NCOA6: variants seen among roughly 807,000 people sequenced by gnomAD.
NCOA6 encodes the protein NRC RAP250.
NCOA6 carries 49 observed loss-of-function variants against 171.4 expected under a neutral mutation model. That is an observed-to-expected ratio of 0.29 (90% CI 0.23 to 0.36). The LOEUF (loss-of-function observed/expected upper bound fraction) is 0.36, where lower values mean the gene tolerates loss of function less well. Among genes scored for constraint, NCOA6 ranks in the 10% least tolerant of loss-of-function variants. The pLI, the probability that NCOA6 is intolerant of heterozygous loss-of-function variation, is 1.00. For missense variants in NCOA6, 2,248 were observed against 2,554.5 expected, an observed-to-expected ratio of 0.88 and a Z score of 2.59; for synonymous variants, 910 against 927.5, an observed-to-expected ratio of 0.98 and a Z score of 0.34.
rs1268768786 is a variant in NCOA6 at position 34,780,737 on chromosome 20, T to C, written c.235+1384A>G. On this transcript the variant is annotated intron_variant, in intron 3 of 14. Coordinates refer to ENST00000359003, the MANE Select transcript of NCOA6 (RefSeq NM_014071.5). ...GCACTATTAGAGCTCACTGCAGCTTTGACCTCCCTGGGCTCAAGTGATCCT... is the reference window on the plus strand; with the variant it reads ...GCACTATTAGAGCTCACTGCAGCTTCGACCTCCCTGGGCTCAAGTGATCCT... 2.0e-5 allele frequency among the ~76,000 whole-genome samples: 3 copies of C among 152,108 alleles called. No homozygotes were observed. In the East Asian group the frequency reaches 5.8e-4, roughly 29 times the overall value.
chr20:34,734,641 C>T (rs544770734), intron 12 of NCOA6, among the ~76,000 whole-genome samples: 23 of 151,968 alleles, frequency 1.5e-4, no homozygotes, highest in Non-Finnish European at 3.2e-4. Context: ...CCATTACACC[C>T]GGCCTAGTTT....
At chr20:34,776,179 T>C in intron 4 of NCOA6, 114 bp downstream of exon 4, 3 of 1,354,260 alleles carry the variant, frequency 2.2e-6, no homozygotes, top group African/African-American at 1.5e-5. Flanking sequence ...CATGAGTTGC[T>C]TGGCATTCTG....
chr20:34,821,950 C>T (rs2079021619), intron 1 of NCOA6, among the ~76,000 whole-genome samples: 1 of 152,126 alleles, frequency 6.6e-6, no homozygotes, highest in Non-Finnish European at 1.5e-5. Flanking sequence ...TAAAAAACTC[C>T]CCCTAAGCCA....
rs1185272102 is a variant in NCOA6 at position 34,746,863 on chromosome 20, C to T, written c.2858G>A (p.Gly953Glu). Residue 953 changes from glycine to glutamate, a missense_variant, in exon 10 of 15, where the codon GGA becomes GAA. Coordinates refer to ENST00000359003, the MANE Select transcript of NCOA6 (RefSeq NM_014071.5). ...AGGGCCTGAGTTATCCAAGTTAATT[C>T]CTTGTTCTCCAGGCAACGGTGGCTG... Reference protein sequence around the residue: ...ADQPPLPGEQGINLDNSGPKL... With the variant: ...ADQPPLPGEQEINLDNSGPKL... 1.2e-6 allele frequency: 2 copies of T among 1,607,836 alleles called. No homozygotes were observed. The highest frequency in any genetic ancestry group is 1.4e-5 in the African/African-American group (1 of 74,036).
intron 1 of NCOA6, among the ~76,000 whole-genome samples, chr20:34,811,226 T>TGTATACATAC (rs1420618157): frequency 5.1e-5 from 7 of 136,240 alleles, no homozygotes; most frequent in Admixed American, 4.3e-4. Context: ...TATATATATA[T>TGTATACATAC]ATATATATAT....
At chr20:34,724,599 A>G (rs940980537) in intron 14 of NCOA6, among the ~76,000 whole-genome samples, 3 of 152,194 alleles carry the variant, frequency 2.0e-5, no homozygotes, top group African/African-American at 7.2e-5. Flanking sequence ...TGATCTGGTC[A>G]CTGCCTCCTC....
intron 5 of NCOA6, 23 bp downstream of exon 5, chr20:34,768,441 T>C (rs1052034394): frequency 2.5e-6 from 4 of 1,612,266 alleles, no homozygotes; most frequent in Non-Finnish European, 3.4e-6. Context: ...TAAAATGTCA[T>C]ACAATTGAGT....
chr20:34,717,363 T>C (rs1600708832), intron 14 of NCOA6, among the ~76,000 whole-genome samples: 1 of 152,170 alleles, frequency 6.6e-6, no homozygotes, highest in South Asian at 2.1e-4. Context: ...GGCAGGAGAA[T>C]TGCTTGAGCC....
chr20:34,731,272 G>A (rs752584239), intron 13 of NCOA6, among the ~76,000 whole-genome samples: 9 of 151,936 alleles, frequency 5.9e-5, no homozygotes, highest in Non-Finnish European at 1.2e-4. Flanking sequence ...TGCCTGCCTC[G>A]GCCTCCCAAA....
chr20:34,762,270 A>G (rs2076841715), intron 5 of NCOA6, among the ~76,000 whole-genome samples: 1 of 152,126 alleles, frequency 6.6e-6, no homozygotes, highest in African/African-American at 2.4e-5. Context: ...CTTGGTTAAT[A>G]ATCACCTTGT....
chr20:34,814,342 GA>G (rs890608562), intron 1 of NCOA6, among the ~76,000 whole-genome samples: 25 of 148,142 alleles, frequency 1.7e-4, no homozygotes, highest in African/African-American at 5.2e-4. Flanking sequence ...CCATCTTGGG[GA>G]AAAAAAAAAT....
At chr20:34,745,358 A>G (rs2076272605) in intron 10 of NCOA6, among the ~76,000 whole-genome samples, 1 of 152,016 alleles carries the variant, frequency 6.6e-6, no homozygotes, top group African/African-American at 2.4e-5. Flanking sequence ...GTATACAAAG[A>G]CCCCTGGGAT....
Position 34,759,749 on chromosome 20 carries a change from T to C in NCOA6, c.515-816A>G, listed in dbSNP as rs74613916. ...TTCCTTTATTCTTATAATTTTGCAA[T>C]GTTGTGTATTTGTCATGAATTCTTG... On this transcript the variant is annotated intron_variant, in intron 5 of 14. Coordinates refer to ENST00000359003, the MANE Select transcript of NCOA6 (RefSeq NM_014071.5). 2.5e-3 allele frequency among the ~76,000 whole-genome samples: 384 copies of C among 152,270 alleles called. 1 individual carries two copies. The highest frequency in any genetic ancestry group is 8.7e-3 in the African/African-American group (361 of 41,558).
intron 13 of NCOA6, among the ~76,000 whole-genome samples, chr20:34,731,616 T>C (rs988888023): frequency 3.3e-5 from 5 of 152,246 alleles, no homozygotes; most frequent in African/African-American, 1.2e-4. Context: ...ATGGTGGCTA[T>C]TAACCTCCTC....
chr20:34,741,357 A>G lies in NCOA6; in HGVS notation c.4899T>C (p.Asn1633=). ...ALMSTVVTMP[N]AGSKVMVSEG... is the part of the protein sequence containing the mutation. ...CAGAAACCATAACCTTGCTACCCGCATTGGGCATTGTGACAACTGTTGACA... is the reference window on the plus strand; with the variant it reads ...CAGAAACCATAACCTTGCTACCCGCGTTGGGCATTGTGACAACTGTTGACA... Residue 1633 remains asparagine (N), a synonymous_variant, in exon 11 of 15, where the codon AAT becomes AAC. Transcript: ENST00000359003. 7 of 1,614,234 alleles carry G rather than the reference A, an allele frequency of 4.3e-6. No homozygotes were observed. The highest frequency in any genetic ancestry group is 5.9e-6 in the Non-Finnish European group (7 of 1,180,046).
intron 10 of NCOA6, among the ~76,000 whole-genome samples, chr20:34,744,623 T>C (rs1248288405): frequency 6.6e-6 from 1 of 152,254 alleles, no homozygotes; most frequent in Non-Finnish European, 1.5e-5. Context: ...AAGATTTCCA[T>C]GGTATCAATG....
Position 34,793,976 on chromosome 20 carries a change from C to CA in NCOA6, c.-163-1414dup, listed in dbSNP as rs1047873408. Among the ~76,000 whole-genome samples the CA allele has an allele frequency of 3.3e-4, 50 of 152,176 alleles. 1 individual carries two copies. Among genetic ancestry groups the CA allele is most frequent in the Admixed American group, 3.0e-3 (46 of 15,276 alleles). On this transcript the variant is annotated intron_variant, in intron 1 of 14. Coordinates refer to ENST00000359003, the MANE Select transcript of NCOA6 (RefSeq NM_014071.5). Reference sequence around the variant, plus strand: ...GATGTTTACCCTCACACAAAAGAAGCAAAAAACAATTTTTCACTCATCAGA... The same window carrying CA: ...GATGTTTACCCTCACACAAAAGAAGCAAAAAAACAATTTTTCACTCATCAGA...
chr20:34,811,234 T>TATATATATACATAC (rs1344933526), intron 1 of NCOA6, among the ~76,000 whole-genome samples: 1 of 119,960 alleles, frequency 8.3e-6, no homozygotes, highest in Non-Finnish European at 1.8e-5. Flanking sequence ...TATATATATA[T>TATATATATACATAC]ATGCTTTCAA....
intron 1 of NCOA6, among the ~76,000 whole-genome samples, chr20:34,814,046 T>C (rs1004159393): frequency 4.6e-5 from 7 of 152,048 alleles, no homozygotes; most frequent in Admixed American, 2.6e-4. Flanking sequence ...AATTGTAAAA[T>C]AGGGCTGGGC....
Sources: gnomAD v4.1 joint callset for allele counts (sites outside exome capture counted in the v4.1 genomes callset) on GRCh38, gnomAD v4.1.1 for gene constraint, MANE v1.5 for transcripts, NCBI Gene and HGNC (gene_info 2026-07-23, HGNC 2026-07-21) for gene names.